Variants in NAA25 observed in about 807,000 individuals in gnomAD.
NAA25 encodes the protein N-alpha-acetyltransferase 25, NatB auxiliary subunit.
In NAA25, 30 loss-of-function variants were observed where a neutral mutation model predicts 132.5. That is an observed-to-expected ratio of 0.23 (90% CI 0.17 to 0.31). The LOEUF (loss-of-function observed/expected upper bound fraction) is 0.31, where lower values mean the gene tolerates loss of function less well. NAA25 is among the 10% of genes least tolerant of loss of function. The pLI is 1.00. For synonymous variants in NAA25, 359 were observed against 401.9 expected (o/e 0.89, Z 1.28); for missense variants, 771 against 1,150.4 (o/e 0.67, Z 4.77).
intron 8 of NAA25, 80 bp downstream of exon 8, chr12:112,075,598 A>T: frequency 8.3e-7 from 1 of 1,209,944 alleles, no homozygotes; most frequent in Non-Finnish European, 1.2e-6. Context: ...AAACTTCAAA[A>T]CACAGACACC....
Position 112,027,337 on chromosome 12 carries a change from G to A in NAA25, c.*2194C>T, listed in dbSNP as rs1342817105. 6.6e-6 allele frequency: 1 copy of A among 151,712 alleles called. No individual in the cohort carries two copies. Among genetic ancestry groups the A allele is most frequent in the East Asian group, 1.9e-4 (1 of 5,196 alleles). 9.4% of individuals were successfully genotyped at this position (151,712 alleles called of 1,614,324 possible). A position where few individuals can be genotyped will look rare whatever the true frequency, so the allele number is the denominator to read the frequency against. The stretch of plus-strand genomic sequence containing the variant: ...TATATATATATATATTTTTTTAACT[G>A]TACACAATTTATAGTACATGAGGGT... On this transcript the variant is annotated 3_prime_UTR_variant, in exon 24 of 24. Coordinates refer to ENST00000261745, the MANE Select transcript of NAA25 (RefSeq NM_024953.4).
intron 13 of NAA25, among the ~76,000 whole-genome samples, chr12:112,058,634 G>A (rs890988248): frequency 6.6e-6 from 1 of 152,124 alleles, no homozygotes; most frequent in African/African-American, 2.4e-5. Context: ...TTTAAGAATG[G>A]CATGATAAGG....
At chr12:112,076,283 A>C (rs1182087871) in intron 7 of NAA25, among the ~76,000 whole-genome samples, 5 of 152,240 alleles carry the variant, frequency 3.3e-5, no homozygotes, top group Admixed American at 3.3e-4. Flanking sequence ...CAAAGAAAAA[A>C]GTACATTACT....
In NAA25 at chr12:112,029,138, A is replaced by C. The variant is rs2078117947; in HGVS notation, c.*393T>G. On this transcript the variant is annotated 3_prime_UTR_variant, in exon 24 of 24. Transcript: ENST00000261745. Reference sequence around the variant, plus strand: ...CTCAAGGACCAGACCAAAAACTCTCAATGTTATTTATAATGGAAGGGCTAT... The same window carrying C: ...CTCAAGGACCAGACCAAAAACTCTCCATGTTATTTATAATGGAAGGGCTAT... 5.9e-6 allele frequency: 1 copy of C among 168,892 alleles called. No homozygotes were observed. The highest frequency in any genetic ancestry group is 1.3e-5 in the Non-Finnish European group (1 of 77,818). The allele number at this position is 168,892 out of a possible 1,614,324, so 10.5% of individuals were successfully genotyped here. A position where few individuals can be genotyped will look rare whatever the true frequency, so the allele number is the denominator to read the frequency against.
chr12:112,107,391 T>C (rs543357398), intron 1 of NAA25, among the ~76,000 whole-genome samples: 1 of 151,434 alleles, frequency 6.6e-6, no homozygotes, highest in Non-Finnish European at 1.5e-5. Context: ...GTTTTTTTTT[T>C]TGTTGTTGTT....
chr12:112,028,645 T>C lies in NAA25; in HGVS notation c.*886A>G, dbSNP rs1222937232. On this transcript the variant is annotated 3_prime_UTR_variant, in exon 24 of 24. Coordinates refer to ENST00000261745, the MANE Select transcript of NAA25 (RefSeq NM_024953.4). ...ATATATATATGTGTATATATATATATGTATATATATGACTCACAAAACCAA... is the reference window on the plus strand; with the variant it reads ...ATATATATATGTGTATATATATATACGTATATATATGACTCACAAAACCAA... 2 of 152,098 alleles carry C rather than the reference T, an allele frequency of 1.3e-5. No homozygotes were observed. The highest frequency in any genetic ancestry group is 4.8e-5 in the African/African-American group (2 of 41,398). The allele number at this position is 152,098 out of a possible 1,614,324, so 9.4% of individuals were successfully genotyped here. A position where few individuals can be genotyped will look rare whatever the true frequency, so the allele number is the denominator to read the frequency against.
rs150747048 is a variant in NAA25, at chr12:112,092,869, G to A, written c.144+182C>T. Among the ~76,000 whole-genome samples, 932 of 152,034 alleles carry A rather than the reference G, an allele frequency of 6.1e-3. 8 individuals are homozygous for A. Among genetic ancestry groups the A allele is most frequent in the African/African-American group, 0.022 (895 of 41,480 alleles). On this transcript the variant is annotated intron_variant, in intron 2 of 23. Transcript: ENST00000261745. ...ATTTTTGTATTTTTAGTAGAGACAG[G>A]GTTTCACCATGTTGGTCAGGCTGGT...
chr12:112,059,405 C>T (rs1317340125), intron 13 of NAA25, among the ~76,000 whole-genome samples: 1 of 152,018 alleles, frequency 6.6e-6, no homozygotes, highest in African/African-American at 2.4e-5. Flanking sequence ...GCCATAAGCA[C>T]CTAAAGTTAT....
chr12:112,036,872 T>G (rs2078230372), intron 22 of NAA25, among the ~76,000 whole-genome samples: 1 of 150,292 alleles, frequency 6.7e-6, no homozygotes, highest in African/African-American at 2.4e-5. Flanking sequence ...TAAAACTGTG[T>G]GTGCGTGTGT....
intron 7 of NAA25, 108 bp downstream of exon 7, chr12:112,078,080 C>A (rs2078918711): frequency 2.8e-6 from 2 of 719,918 alleles, no homozygotes; most frequent in South Asian, 1.7e-5. Context: ...ACAAAATGAT[C>A]AAAAGTGTTT....
intron 1 of NAA25, among the ~76,000 whole-genome samples, chr12:112,096,796 T>C (rs1392424647): frequency 6.6e-6 from 1 of 152,226 alleles, no homozygotes; most frequent in Non-Finnish European, 1.5e-5. Context: ...GATCTCATTC[T>C]GAGTCAGTTC....
rs1327234924 is a variant in NAA25 at position 112,027,332 on chromosome 12, T to A, written c.*2199A>T. On this transcript the variant is annotated 3_prime_UTR_variant, in exon 24 of 24. Transcript: ENST00000261745. ...GAATATATATATATATATATTTTTT[T>A]AACTGTACACAATTTATAGTACATG... The A allele has an allele frequency of 2.0e-5, 3 of 152,030 alleles. No individual in the cohort carries two copies. Among genetic ancestry groups the A allele is most frequent in the African/African-American group, 7.3e-5 (3 of 41,378 alleles). The allele number at this position is 152,030 out of a possible 1,614,324, so 9.4% of individuals were successfully genotyped here. A position where few individuals can be genotyped will look rare whatever the true frequency, so the allele number is the denominator to read the frequency against.
chr12:112,037,271 AATACATATATATATAT>A (rs2078235297), intron 22 of NAA25, among the ~76,000 whole-genome samples: 1 of 75,532 alleles, frequency 1.3e-5, no homozygotes. Flanking sequence ...TATTTTAAAA[AATACATATATATATAT>A]ATATATATAT....
chr12:112,028,439 A>G lies in NAA25; in HGVS notation c.*1092T>C, dbSNP rs1042276081. The G allele has an allele frequency of 6.6e-6, 1 of 152,474 alleles. No homozygotes were observed. The highest frequency in any genetic ancestry group is 1.5e-5 in the Non-Finnish European group (1 of 68,044). 9.4% of individuals were successfully genotyped at this position (152,474 alleles called of 1,614,324 possible). On this transcript the variant is annotated 3_prime_UTR_variant, in exon 24 of 24. Coordinates refer to ENST00000261745, the MANE Select transcript of NAA25 (RefSeq NM_024953.4). ...GGACATCCAGGTGAACAAAGTAAAC[A>G]CCATCCTGTTATAATTCTCTAAGTT...
chr12:112,067,726 C>T (rs1049008817), intron 11 of NAA25, among the ~76,000 whole-genome samples: 2 of 152,044 alleles, frequency 1.3e-5, no homozygotes, highest in Non-Finnish European at 2.9e-5. Flanking sequence ...CGGAATCATA[C>T]TATGTGTAAC....
chr12:112,108,694 C>A, intron 1 of NAA25, 22 bp downstream of exon 1: 2 of 1,453,060 alleles, frequency 1.4e-6, no homozygotes, highest in Non-Finnish European at 1.8e-6. Context: ...GGCTGGCGAG[C>A]GGGCTGGTCC....
chr12:112,030,188 G>T (rs2078130631), intron 23 of NAA25, among the ~76,000 whole-genome samples: 1 of 142,432 alleles, frequency 7.0e-6, no homozygotes, highest in South Asian at 2.2e-4. Flanking sequence ...ACACCAGCCT[G>T]GGCGACAGAG....
At chr12:112,072,158 G>A (rs959013049) in intron 9 of NAA25, 94 bp from the exon 10 acceptor site, 12 of 849,234 alleles carry the variant, frequency 1.4e-5, no homozygotes, top group African/African-American at 3.4e-5. Context: ...AGAGAAAAAC[G>A]ACTTTGATAA....
chr12:112,099,645 C>T (rs2079263100), intron 1 of NAA25, among the ~76,000 whole-genome samples: 1 of 152,076 alleles, frequency 6.6e-6, no homozygotes, highest in African/African-American at 2.4e-5. Context: ...TAACACTTCC[C>T]AAAGAAGCTA....
Sources: gnomAD v4.1 joint callset for allele counts (sites outside exome capture counted in the v4.1 genomes callset) on GRCh38, gnomAD v4.1.1 for gene constraint, MANE v1.5 for transcripts, NCBI Gene and HGNC (gene_info 2026-07-23, HGNC 2026-07-21) for gene names.